Variants in NAV3 observed in about 807,000 individuals in gnomAD.
NAV3 encodes neuron navigator 3, also known as pore membrane and/or filament interacting like protein 1.
Under a neutral mutation model 244.7 loss-of-function variants are expected in NAV3, and 87 were observed. That is an observed-to-expected ratio of 0.36 (90% CI 0.30 to 0.42). The LOEUF is 0.42. Among genes scored for constraint, NAV3 ranks in the 20% least tolerant of loss-of-function variants. NAV3 has a pLI of 1.00. For synonymous variants in NAV3, 1,126 were observed against 1,042.2 expected (o/e 1.08, Z -1.55); for missense variants, 2,663 against 2,893.3 (o/e 0.92, Z 1.83).
chr12:78,081,741 T>TC (rs1291306642), intron 12 of NAV3, among the ~76,000 whole-genome samples: 1 of 152,146 alleles, frequency 6.6e-6, no homozygotes, highest in Admixed American at 6.6e-5. Context: ...TTGGTTATCT[T>TC]CCCTGGAGTT....
At chr12:77,943,861 A>G (rs1161442236) in intron 3 of NAV3, among the ~76,000 whole-genome samples, 4 of 152,168 alleles carry the variant, frequency 2.6e-5, no homozygotes, top group Non-Finnish European at 5.9e-5. Context: ...TTTTTATTTA[A>G]ATGTTAAACT....
chr12:78,095,464 G>A lies in NAV3; in HGVS notation c.2637-21308G>A, dbSNP rs148602888. ...ACAGAGTGGCTCAATGTGACTATTCGTAGGTAAACAATGGGAAACGAGGCT... is the reference window on the plus strand; with the variant it reads ...ACAGAGTGGCTCAATGTGACTATTCATAGGTAAACAATGGGAAACGAGGCT... On this transcript the variant is annotated intron_variant, in intron 12 of 39. Coordinates refer to ENST00000397909, the MANE Select transcript of NAV3 (RefSeq NM_001024383.2). Among the ~76,000 whole-genome samples, 369 of 152,034 alleles carry A rather than the reference G, an allele frequency of 2.4e-3. 5 individuals are homozygous for A. Among genetic ancestry groups the A allele is most frequent in the Non-Finnish European group, 9.1e-4 (62 of 67,916 alleles).
chr12:77,764,224 A>G (rs189950028), intron 2 of NAV3, among the ~76,000 whole-genome samples: 54 of 152,306 alleles, frequency 3.5e-4, no homozygotes, highest in Admixed American at 3.5e-3. Context: ...TATGTTGTAC[A>G]TTGTATCATC....
intron 12 of NAV3, among the ~76,000 whole-genome samples, chr12:78,078,448 T>A (rs564856754): frequency 2.2e-3 from 272 of 123,270 alleles, no homozygotes; most frequent in African/African-American, 8.0e-3. Flanking sequence ...CAGGCTGGAG[T>A]GCAGTGGCGG....
In NAV3 at chr12:78,108,233, T is replaced by A. The variant is rs184371499; in HGVS notation, c.2637-8539T>A. 1.2e-3 allele frequency among the ~76,000 whole-genome samples: 181 copies of A among 152,284 alleles called. 1 individual carries two copies. Among genetic ancestry groups the A allele is most frequent in the African/African-American group, 4.0e-3 (167 of 41,588 alleles). On this transcript the variant is annotated intron_variant, in intron 12 of 39. Coordinates refer to ENST00000397909, the MANE Select transcript of NAV3 (RefSeq NM_001024383.2). ...GACAAAGGATGTTATTATATAATGA[T>A]GAGATTAACCCAGCAATAGGAAATA...
chr12:78,140,504 T>C (rs1297292125), intron 20 of NAV3, among the ~76,000 whole-genome samples, 170 bp downstream of exon 20: 1 of 152,150 alleles, frequency 6.6e-6, no homozygotes, highest in Non-Finnish European at 1.5e-5. Flanking sequence ...TGCCAGGTGC[T>C]CCACCTGCCA....
chr12:78,095,641 T>C (rs115805844), intron 12 of NAV3, among the ~76,000 whole-genome samples: 141 of 152,064 alleles, frequency 9.3e-4, no homozygotes, highest in African/African-American at 2.9e-3. Context: ...TGGGAAATGG[T>C]GAGGTGTTTC....
chr12:77,612,835 C>G (rs1703068884), intron 2 of NAV3, among the ~76,000 whole-genome samples: 1 of 152,060 alleles, frequency 6.6e-6, no homozygotes, highest in South Asian at 2.1e-4. Flanking sequence ...GTGGGAGGGA[C>G]TTGGTGGGAG....
chr12:77,907,620 G>A (rs965163459), intron 1 of NAV3, among the ~76,000 whole-genome samples: 27 of 152,198 alleles, frequency 1.8e-4, no homozygotes, highest in African/African-American at 6.0e-4. Flanking sequence ...CAATGTGTTT[G>A]TGGAAGGAGA....
intron 2 of NAV3, among the ~76,000 whole-genome samples, chr12:77,795,407 C>T (rs182820942): frequency 1.3e-5 from 2 of 152,154 alleles, no homozygotes; most frequent in African/African-American, 4.8e-5. Flanking sequence ...CAAACTCCAC[C>T]ACATAAAAGT....
intron 2 of NAV3, among the ~76,000 whole-genome samples, chr12:77,736,904 GAACAAGACGA>G (rs1877359346): frequency 1.3e-5 from 2 of 152,154 alleles, no homozygotes; most frequent in Admixed American, 1.3e-4. Flanking sequence ...ATGGATTTCA[GAACAAGACGA>G]GAGACAATGA....
At chr12:77,764,966 T>G (rs1869664599) in intron 2 of NAV3, among the ~76,000 whole-genome samples, 1 of 152,226 alleles carries the variant, frequency 6.6e-6, no homozygotes, top group East Asian at 1.9e-4. Context: ...TAATGGTGCA[T>G]TATCAGTTGT....
intron 2 of NAV3, among the ~76,000 whole-genome samples, chr12:77,586,851 A>G (rs1869638513): frequency 6.6e-6 from 1 of 152,170 alleles, no homozygotes; most frequent in Admixed American, 6.5e-5. Flanking sequence ...TCCGTGCGGA[A>G]AGTTCAATAG....
intron 2 of NAV3, among the ~76,000 whole-genome samples, chr12:77,741,148 C>CAAAAAAAAAAAAAAAACAAA (rs1868322686): frequency 1.5e-5 from 1 of 68,668 alleles, no homozygotes; most frequent in African/African-American, 5.9e-5. Context: ...AAAAAAAAGA[C>CAAAAAAAAAAAAAAAACAAA]AAAAAAAAAA....
At chr12:78,108,776 A>G (rs1000571121) in intron 12 of NAV3, among the ~76,000 whole-genome samples, 1 of 152,132 alleles carries the variant, frequency 6.6e-6, no homozygotes, top group Admixed American at 6.5e-5. Context: ...TTGAAACATA[A>G]CATATCAAAA....
At chr12:77,808,915 T>C (rs775968411) in intron 2 of NAV3, among the ~76,000 whole-genome samples, 8 of 152,218 alleles carry the variant, frequency 5.3e-5, no homozygotes, top group African/African-American at 1.9e-4. Flanking sequence ...TACAGTGGCC[T>C]TGCGGAGCTG....
intron 14 of NAV3, among the ~76,000 whole-genome samples, 193 bp from the exon 15 acceptor site, chr12:78,119,044 A>T (rs1474874322): frequency 1.3e-5 from 2 of 152,192 alleles, no homozygotes; most frequent in African/African-American, 2.4e-5. Flanking sequence ...ATCTCTCATA[A>T]TGTTTCTTCT....
At chr12:77,859,524 C>T (rs12817914) in intron 1 of NAV3, among the ~76,000 whole-genome samples, 2,722 of 151,090 alleles carry the variant, frequency 0.018, 33 homozygotes, top group Non-Finnish European at 0.029. Context: ...GATGAAAAGA[C>T]GAGTTAGTGG....
chr12:78,091,297 G>A (rs1397658853), intron 12 of NAV3, among the ~76,000 whole-genome samples: 1 of 152,106 alleles, frequency 6.6e-6, no homozygotes, highest in East Asian at 1.9e-4. Flanking sequence ...ATAGAATTAT[G>A]TTGGATTCCT....
Sources: gnomAD v4.1 joint callset for allele counts (sites outside exome capture counted in the v4.1 genomes callset) on GRCh38, gnomAD v4.1.1 for gene constraint, MANE v1.5 for transcripts, NCBI Gene and HGNC (gene_info 2026-07-23, HGNC 2026-07-21) for gene names.